The following SLC4A10 variants were observed in gnomAD, a reference collection of about 807,000 sequenced individuals.
SLC4A10 encodes solute carrier family 4 member 10, also known as sodium-driven chloride bicarbonate exchanger.
SLC4A10 carries 42 observed loss-of-function variants against 137.7 expected under a neutral mutation model. The observed-to-expected ratio is 0.30, with a 90% CI of 0.24 to 0.39. The LOEUF (loss-of-function observed/expected upper bound fraction) is 0.39, where lower values mean the gene tolerates loss of function less well. Among genes scored for constraint, SLC4A10 ranks in the 10% least tolerant of loss-of-function variants. The pLI, the probability that SLC4A10 is intolerant of heterozygous loss-of-function variation, is 1.00. For synonymous variants in SLC4A10, 474 were observed against 464.1 expected, an observed-to-expected ratio of 1.02 and a Z score of -0.27; for missense variants, 925 against 1,355.0, an observed-to-expected ratio of 0.68 and a Z score of 4.98.
intron 1 of SLC4A10, among the ~76,000 whole-genome samples, chr2:161,684,307 G>A (rs1265210215): frequency 6.6e-6 from 1 of 152,002 alleles, no homozygotes; most frequent in Admixed American, 6.6e-5. Context: ...AATTTGGGTT[G>A]TTTCTATCTT....
chr2:161,684,159 C>T (rs1439343637), intron 1 of SLC4A10, among the ~76,000 whole-genome samples: 1 of 152,114 alleles, frequency 6.6e-6, no homozygotes, highest in African/African-American at 2.4e-5. Flanking sequence ...TTGTGTGTGG[C>T]TCACTTGACT....
At chr2:161,758,562 C>T (rs1015042985) in intron 1 of SLC4A10, among the ~76,000 whole-genome samples, 15 of 151,906 alleles carry the variant, frequency 9.9e-5, no homozygotes, top group African/African-American at 3.6e-4. Flanking sequence ...ATCTAATTTA[C>T]CTGTAAATCA....
intron 1 of SLC4A10, among the ~76,000 whole-genome samples, chr2:161,640,840 T>G (rs906303610): frequency 6.6e-6 from 1 of 152,074 alleles, no homozygotes; most frequent in African/African-American, 2.4e-5. Flanking sequence ...CTGCATTTTC[T>G]TTAAAAATCA....
At chr2:161,691,529 A>C (rs1282515219) in intron 1 of SLC4A10, among the ~76,000 whole-genome samples, 1 of 152,152 alleles carries the variant, frequency 6.6e-6, no homozygotes, top group Admixed American at 6.6e-5. Context: ...ATTTTCTATA[A>C]TGTTATTATG....
At chr2:161,655,518 T>G (rs2037391985) in intron 1 of SLC4A10, among the ~76,000 whole-genome samples, 1 of 152,166 alleles carries the variant, frequency 6.6e-6, no homozygotes, top group Non-Finnish European at 1.5e-5. Context: ...GCCTTTACTA[T>G]GTCAAGAAGA....
intron 1 of SLC4A10, among the ~76,000 whole-genome samples, chr2:161,628,094 A>T (rs1227175078): frequency 6.6e-6 from 1 of 152,160 alleles, no homozygotes; most frequent in Non-Finnish European, 1.5e-5. Context: ...TTTTAAAAGT[A>T]TGAAGCCTGA....
At chr2:161,952,999 A>G (rs145305776) in intron 19 of SLC4A10, among the ~76,000 whole-genome samples, 1 of 152,348 alleles carries the variant, frequency 6.6e-6, no homozygotes, top group East Asian at 1.9e-4. Flanking sequence ...GTATATCACC[A>G]GACCACAAGC....
At chr2:161,898,717 T>C (rs553773720) in intron 11 of SLC4A10, among the ~76,000 whole-genome samples, 1 of 152,244 alleles carries the variant, frequency 6.6e-6, no homozygotes, top group South Asian at 2.1e-4. Flanking sequence ...TATTTGCTCT[T>C]CTCTCATGTC....
intron 4 of SLC4A10, 128 bp downstream of exon 4, chr2:161,840,055 C>T: frequency 9.0e-7 from 1 of 1,105,922 alleles, no homozygotes; most frequent in Non-Finnish European, 1.3e-6. Flanking sequence ...GCTCATCTAG[C>T]CTGAGCATAT....
At chr2:161,704,302 C>T (rs139078542) in intron 1 of SLC4A10, among the ~76,000 whole-genome samples, 1 of 151,716 alleles carries the variant, frequency 6.6e-6, no homozygotes, top group African/African-American at 2.4e-5. Context: ...AGTAAACAAT[C>T]AATCACACAC....
intron 10 of SLC4A10, among the ~76,000 whole-genome samples, chr2:161,888,167 G>C (rs984081384): frequency 4.6e-5 from 7 of 151,714 alleles, no homozygotes; most frequent in Admixed American, 2.6e-4. Flanking sequence ...TCTAAATATT[G>C]GTTTGGATAC....
intron 1 of SLC4A10, among the ~76,000 whole-genome samples, chr2:161,636,619 C>G (rs762686130): frequency 6.6e-6 from 1 of 151,718 alleles, no homozygotes; most frequent in African/African-American, 2.4e-5. Context: ...AGGCTGGTCT[C>G]GAACTCCTGA....
chr2:161,637,091 ATACGTATATACGTATT>A lies in SLC4A10; in HGVS notation c.48+12528_48+12543del, dbSNP rs1558915313. Among the ~76,000 whole-genome samples the A allele has an allele frequency of 1.0e-3, 128 of 125,518 alleles. 1 individual carries two copies. The highest frequency in any genetic ancestry group is 3.2e-3 in the African/African-American group (118 of 36,430). The allele number at this position is 125,518 out of a possible 152,430, so 82.3% of individuals were successfully genotyped here. A position where few individuals can be genotyped will look rare whatever the true frequency, so the allele number is the denominator to read the frequency against. ...TATATACATAAATACGTATATACAT[ATACGTATATACGTATT>A]TATGTATATATATCTATATACATAA... On this transcript the variant is annotated intron_variant, in intron 1 of 26. Transcript: ENST00000446997.
chr2:161,733,649 C>T (rs1346147086), intron 1 of SLC4A10, among the ~76,000 whole-genome samples: 2 of 152,216 alleles, frequency 1.3e-5, no homozygotes, highest in Non-Finnish European at 2.9e-5. Flanking sequence ...CACTATCCTC[C>T]AGATCCCAGA....
Position 161,965,116 on chromosome 2 carries a change from G to T in SLC4A10, c.3102G>T (p.Trp1034Cys). 1.2e-6 allele frequency: 2 copies of T among 1,612,716 alleles called. No homozygotes were observed. The highest frequency in any genetic ancestry group is 1.7e-6 in the Non-Finnish European group (2 of 1,179,120). Residue 1034 changes from tryptophan (W) to cysteine (C), a missense_variant, in exon 23 of 27, where the codon TGG (tryptophan) becomes TGT (cysteine). Transcript: ENST00000446997. ...DLLFTKRELS[W>C]LDDLMPESKK... ...TGTTCACGAAGCGGGAACTCAGCTG[G>T]TTGGATGATTTGATGCCCGAGAGTA...
chr2:161,804,464 T>A lies in SLC4A10; in HGVS notation c.146T>A (p.Phe49Tyr). The A allele has an allele frequency of 1.2e-6, 2 of 1,612,602 alleles. No individual in the cohort carries two copies. Among genetic ancestry groups the A allele is most frequent in the Non-Finnish European group, 8.5e-7 (1 of 1,179,036 alleles). Residue 49 changes from phenylalanine to tyrosine, a missense_variant, in exon 3 of 27, where the codon TTT (phenylalanine) becomes TAT (tyrosine). Around this residue, in one of 11 missense-constraint regions of SLC4A10, gnomAD observed 138 missense variants for 171.3 expected, o/e 0.81. Coordinates refer to ENST00000446997, the MANE Select transcript of SLC4A10 (RefSeq NM_001178015.2). ...KEDLEGHRTL[F>Y]IGVHVPLGGR... ...CCTTATGAAGGTCATCGAACACTAT[T>A]TATTGGAGTACATGTGCCCTTGGGA... is the stretch of plus-strand genomic sequence containing the variant.
intron 3 of SLC4A10, among the ~76,000 whole-genome samples, chr2:161,822,232 A>G (rs575594456): frequency 1.2e-4 from 18 of 152,346 alleles, no homozygotes; most frequent in African/African-American, 4.1e-4. Flanking sequence ...GCATGGTATT[A>G]TAGACATCCA....
chr2:161,706,973 A>G (rs928305461), intron 1 of SLC4A10, among the ~76,000 whole-genome samples: 2 of 151,532 alleles, frequency 1.3e-5, no homozygotes, highest in Non-Finnish European at 3.0e-5. Context: ...AGTCCCTAGC[A>G]CCTATATAGT....
At chr2:161,976,720 T>C (rs1699435201) in intron 24 of SLC4A10, 40 bp from the exon 25 acceptor site, 1 of 1,038,930 alleles carries the variant, frequency 9.6e-7, no homozygotes, top group East Asian at 2.7e-5. Flanking sequence ...CAGTTACTTA[T>C]GTAATGTTTA....
Sources: gnomAD v4.1 joint callset for allele counts (sites outside exome capture counted in the v4.1 genomes callset) on GRCh38, gnomAD v4.1.1 for gene constraint, gnomAD v4.1.1 regional missense constraint, MANE v1.5 for transcripts, NCBI Gene and HGNC (gene_info 2026-07-23, HGNC 2026-07-21) for gene names.